The following ANKRD20A1 variants were observed in gnomAD, a reference collection of about 807,000 sequenced individuals.
ANKRD20A1 encodes the protein ankyrin repeat domain-containing protein 20A1.
Under a neutral mutation model 50.9 loss-of-function variants are expected in ANKRD20A1, and 2 were observed. The ratio of observed to expected loss-of-function variants is 0.04; its 90% CI spans 0.02 to 0.12. The LOEUF is 0.12. ANKRD20A1 is among the 10% of genes least tolerant of loss of function. The pLI is 1.00. For synonymous variants in ANKRD20A1, 10 were observed against 186.2 expected, an observed-to-expected ratio of 0.05 and a Z score of 7.70; for missense variants, 31 against 548.1, an observed-to-expected ratio of 0.06 and a Z score of 9.42.
intron 9 of ANKRD20A1, among the ~76,000 whole-genome samples, chr9:67,886,661 G>A (rs113104052): frequency 1.3e-5 from 1 of 79,660 alleles, no homozygotes; most frequent in South Asian, 4.5e-4. Flanking sequence ...AGAAATGTAG[G>A]TGCTGCAGTA....
At chr9:67,881,008 G>A (rs1392600676) in intron 8 of ANKRD20A1, among the ~76,000 whole-genome samples, 4 of 136,546 alleles carry the variant, frequency 2.9e-5, no homozygotes, top group African/African-American at 1.0e-4. Context: ...TCAGCACATA[G>A]CATATAGCTT....
At chr9:67,881,521 G>T (rs1396271933) in intron 8 of ANKRD20A1, among the ~76,000 whole-genome samples, 1 of 151,638 alleles carries the variant, frequency 6.6e-6, no homozygotes, top group Non-Finnish European at 1.5e-5. Flanking sequence ...AATCCCAGCA[G>T]TTTTGGAGGC....
rs771740245 is a variant in ANKRD20A1 at position 67,860,150 on chromosome 9, C to T, written c.203+521C>T. ...TTGGCTCACTGCAACCTCTGCCTGC[C>T]GGGTTCAAGCAATTTTCCTACTTCA... On this transcript the variant is annotated intron_variant, in intron 1 of 14. Transcript: ENST00000562196. Among the ~76,000 whole-genome samples, 3 of 41,824 alleles carry T rather than the reference C, an allele frequency of 7.2e-5. 1 individual carries two copies. The highest frequency in any genetic ancestry group is 3.7e-4 in the Admixed American group (2 of 5,336). 27.4% of individuals were successfully genotyped at this position (41,824 alleles called of 152,430 possible).
At chr9:67,896,408 A>G (rs1330479541) in intron 12 of ANKRD20A1, among the ~76,000 whole-genome samples, 1 of 91,292 alleles carries the variant, frequency 1.1e-5, no homozygotes, top group African/African-American at 3.3e-5. Flanking sequence ...AAAAATCACC[A>G]CTCTGCAATA....
intron 5 of ANKRD20A1, among the ~76,000 whole-genome samples, chr9:67,868,797 G>T (rs2131550659): frequency 1.6e-5 from 1 of 60,858 alleles, no homozygotes; most frequent in South Asian, 5.7e-4. Flanking sequence ...GGATCTCAAT[G>T]TTATTCATTT....
chr9:67,897,209 T>C (rs1828007887), intron 12 of ANKRD20A1, among the ~76,000 whole-genome samples: 1 of 123,844 alleles, frequency 8.1e-6, no homozygotes, highest in Non-Finnish European at 1.8e-5. Flanking sequence ...ATTATGCCTG[T>C]GTCTTTTTAT....
intron 6 of ANKRD20A1, among the ~76,000 whole-genome samples, chr9:67,872,591 A>G (rs1432397863): frequency 2.2e-5 from 3 of 137,236 alleles, no homozygotes; most frequent in African/African-American, 8.2e-5. Flanking sequence ...CAGGAACTCT[A>G]TGGTCAGTGG....
chr9:67,884,212 A>T (rs1184205839), intron 8 of ANKRD20A1, among the ~76,000 whole-genome samples: 1 of 147,364 alleles, frequency 6.8e-6, no homozygotes, highest in Admixed American at 7.1e-5. Context: ...CAGCCTGGGC[A>T]GTATAATGAG....
chr9:67,882,341 GTAATA>G (rs1361985880), intron 8 of ANKRD20A1, among the ~76,000 whole-genome samples: 6 of 150,760 alleles, frequency 4.0e-5, no homozygotes, highest in African/African-American at 1.2e-4. Flanking sequence ...AATGTTATAA[GTAATA>G]TAATAAACCT....
chr9:67,881,576 G>T (rs1211616185), intron 8 of ANKRD20A1, among the ~76,000 whole-genome samples: 7 of 152,362 alleles, frequency 4.6e-5, no homozygotes, highest in Middle Eastern at 6.9e-3. Context: ...AGATCAGCCT[G>T]GCCAACGTGG....
At chr9:67,873,394 C>T (rs1229991196) in intron 6 of ANKRD20A1, among the ~76,000 whole-genome samples, 1 of 152,292 alleles carries the variant, frequency 6.6e-6, no homozygotes, top group South Asian at 2.1e-4. Context: ...CCTTCTATGG[C>T]TTTATTCAAT....
chr9:67,860,003 A>T (rs1827488493), intron 1 of ANKRD20A1, among the ~76,000 whole-genome samples: 1 of 13,196 alleles, frequency 7.6e-5, no homozygotes, highest in Non-Finnish European at 1.6e-4. Flanking sequence ...TTATATATAT[A>T]TATTTTTTTT....
At chr9:67,898,452 G>GT (rs1310289226) in intron 13 of ANKRD20A1, among the ~76,000 whole-genome samples, 28 of 139,512 alleles carry the variant, frequency 2.0e-4, no homozygotes, top group Non-Finnish European at 3.6e-4. Context: ...CATAACTGGT[G>GT]TAAACATACA....
At chr9:67,867,638 T>C (rs1231968236) in intron 4 of ANKRD20A1, among the ~76,000 whole-genome samples, 3 of 151,734 alleles carry the variant, frequency 2.0e-5, no homozygotes, top group African/African-American at 4.8e-5. Flanking sequence ...TTTTATTAGC[T>C]AAAGGGTTTT....
chr9:67,872,426 C>A (rs1827663896), intron 6 of ANKRD20A1, among the ~76,000 whole-genome samples: 1 of 122,062 alleles, frequency 8.2e-6, no homozygotes, highest in South Asian at 3.0e-4. Flanking sequence ...ATGACCAAAT[C>A]CAACTGTTCA....
At chr9:67,884,312 G>A in intron 8 of ANKRD20A1, among the ~76,000 whole-genome samples, 174 bp from the exon 9 acceptor site, 1 of 149,426 alleles carries the variant, frequency 6.7e-6, no homozygotes, top group Non-Finnish European at 1.5e-5. Context: ...GTTGAGGTGG[G>A]AAGATTGCTT....
intron 11 of ANKRD20A1, among the ~76,000 whole-genome samples, chr9:67,888,958 G>C (rs1233153592): frequency 6.8e-6 from 1 of 146,944 alleles, no homozygotes; most frequent in Non-Finnish European, 1.5e-5. Flanking sequence ...GAACAATTAG[G>C]TGTTTTGTTT....
intron 12 of ANKRD20A1, among the ~76,000 whole-genome samples, chr9:67,895,897 A>C (rs1827997105): frequency 1.1e-5 from 1 of 89,600 alleles, no homozygotes; most frequent in Non-Finnish European, 2.5e-5. Context: ...TCATGTGTAC[A>C]GTTACAGTGG....
chr9:67,884,861 C>A (rs574610177), intron 9 of ANKRD20A1, among the ~76,000 whole-genome samples: 3 of 151,338 alleles, frequency 2.0e-5, no homozygotes, highest in East Asian at 4.0e-4. Context: ...CTGCATTCCA[C>A]CCTGGGCGAC....
Sources: allele counts gnomAD v4.1 joint callset (sites outside exome capture counted in the v4.1 genomes callset), GRCh38; gene constraint gnomAD v4.1.1; transcripts MANE v1.5; gene names NCBI Gene and HGNC (gene_info 2026-07-23, HGNC 2026-07-21).